Variants in SYT11 observed in about 807,000 individuals in gnomAD.
SYT11 encodes the protein synaptotagmin-11.
SYT11 carries 12 observed loss-of-function variants against 30.4 expected under a neutral mutation model. That is an observed-to-expected ratio of 0.39 (90% CI 0.25 to 0.64). The LOEUF (loss-of-function observed/expected upper bound fraction) is 0.64. Among genes scored for constraint, SYT11 ranks in the 30% least tolerant of loss-of-function variants. The pLI, the probability that SYT11 is intolerant of heterozygous loss-of-function variation, is 0.45. For missense variants in SYT11, 412 were observed against 552.0 expected (o/e 0.75, Z 2.54); for synonymous variants, 204 against 216.0 (o/e 0.94, Z 0.49).
rs1672528171 is a variant in SYT11 at position 155,860,090 on chromosome 1, G to A, written c.34+295G>A. Among the ~76,000 whole-genome samples the A allele has an allele frequency of 6.6e-6, 1 of 152,272 alleles. No homozygotes were observed. The highest frequency in any genetic ancestry group is 2.4e-5 in the African/African-American group (1 of 41,482). On this transcript the variant is annotated intron_variant, in intron 1 of 3. Coordinates refer to ENST00000368324, the MANE Select transcript of SYT11 (RefSeq NM_152280.5). This position sits in a 1 kb window ranked among gnomAD's most constrained non-coding sequence, Gnocchi z 4.1. ...CTGCTGGAGGTGAGAAACAGCAAGC[G>A]TGCGGAGGATGTGAACCCCTCCTTC...
chr1:155,870,573 T>G (rs1385731926), intron 2 of SYT11, among the ~76,000 whole-genome samples: 1 of 152,230 alleles, frequency 6.6e-6, no homozygotes, highest in African/African-American at 2.4e-5. Context: ...CAGATCATAC[T>G]TATTTCTTGA....
At chr1:155,866,013 T>C (rs1006186557) in intron 1 of SYT11, among the ~76,000 whole-genome samples, 3 of 151,788 alleles carry the variant, frequency 2.0e-5, no homozygotes, top group African/African-American at 7.3e-5. Context: ...CTCAATGAAC[T>C]TGAGGGAGCG....
chr1:155,881,619 T>G lies in SYT11; in HGVS notation c.*111T>G. 9.3e-7 allele frequency: 1 copy of G among 1,073,504 alleles called. No individual in the cohort carries two copies. Among genetic ancestry groups the G allele is most frequent in the South Asian group, 1.7e-5 (1 of 58,846 alleles). The allele number at this position is 1,073,504 out of a possible 1,614,324, so 66.5% of individuals were successfully genotyped here. ...ACCTCATTTTAGTTGTAGAAGAAAA[T>G]TTCTTACAAAACAAATTCCACAAAG... On this transcript the variant is annotated 3_prime_UTR_variant, in exon 4 of 4. Transcript: ENST00000368324.
intron 1 of SYT11, among the ~76,000 whole-genome samples, chr1:155,864,506 TG>T (rs1345511522): frequency 6.6e-6 from 1 of 152,044 alleles, no homozygotes; most frequent in Non-Finnish European, 1.5e-5. Context: ...AGCCATGGAT[TG>T]GTTGGAGAGG....
chr1:155,883,881 A>G lies in SYT11; in HGVS notation c.*2373A>G, dbSNP rs1673021664. The G allele has an allele frequency of 6.6e-6, 1 of 152,270 alleles. No homozygotes were observed. Among genetic ancestry groups the G allele is most frequent in the Admixed American group, 6.6e-5 (1 of 15,242 alleles). 9.4% of individuals were successfully genotyped at this position (152,270 alleles called of 1,614,324 possible). A position where few individuals can be genotyped will look rare whatever the true frequency, so the allele number is the denominator to read the frequency against. On this transcript the variant is annotated 3_prime_UTR_variant, in exon 4 of 4. Coordinates refer to ENST00000368324, the MANE Select transcript of SYT11 (RefSeq NM_152280.5). ...GCAGAGCAATTCTGAGCAGTCACAA[A>G]GCCTACTCTCTGTTCTTGTCCCTGC...
intron 1 of SYT11, among the ~76,000 whole-genome samples, chr1:155,865,576 C>T (rs1367356022): frequency 2.7e-5 from 4 of 150,716 alleles, no homozygotes; most frequent in Admixed American, 2.6e-4. Context: ...TGCGGTGAGC[C>T]GTGATCGTGC....
Position 155,859,665 on chromosome 1 carries a change from C to A in SYT11, c.-97C>A. On this transcript the variant is annotated 5_prime_UTR_variant, in exon 1 of 4. Transcript: ENST00000368324. The stretch of plus-strand genomic sequence containing the variant: ...GCTGGATACCTTCCCCCTTCCCTGA[C>A]CTAGAGCTCTACAGCTGCTGCCTCG... 2 of 1,221,792 alleles carry A rather than the reference C, an allele frequency of 1.6e-6. No individual in the cohort carries two copies. The highest frequency in any genetic ancestry group is 2.4e-6 in the Non-Finnish European group (2 of 823,752). 75.7% of individuals were successfully genotyped at this position (1,221,792 alleles called of 1,614,324 possible). A position where few individuals can be genotyped will look rare whatever the true frequency, so the allele number is the denominator to read the frequency against.
intron 2 of SYT11, among the ~76,000 whole-genome samples, chr1:155,876,476 G>A (rs1672863006): frequency 6.6e-6 from 1 of 151,636 alleles, no homozygotes; most frequent in Non-Finnish European, 1.5e-5. Context: ...CCGATCTCCT[G>A]ACCTCGTGAT....
chr1:155,880,696 C>A (rs1170081946), intron 3 of SYT11, 73 bp downstream of exon 3: 5 of 1,562,396 alleles, frequency 3.2e-6, no homozygotes, highest in Non-Finnish European at 3.5e-6. Context: ...CCAGATAGAC[C>A]TCCACACTTC....
intron 1 of SYT11, among the ~76,000 whole-genome samples, chr1:155,865,040 T>G (rs1372338468): frequency 1.3e-5 from 2 of 152,172 alleles, no homozygotes; most frequent in East Asian, 3.9e-4. Context: ...CTGTGGAGGC[T>G]GTTTTGAATT....
At chr1:155,870,703 G>A (rs961745882) in intron 2 of SYT11, among the ~76,000 whole-genome samples, 1 of 152,210 alleles carries the variant, frequency 6.6e-6, no homozygotes, top group Admixed American at 6.5e-5. Context: ...CAGGAACAAG[G>A]TTTGCCTGCT....
In SYT11 at chr1:155,881,458, G is replaced by C; in HGVS notation, c.1246G>C (p.Glu416Gln). 6.2e-7 allele frequency: 1 copy of C among 1,613,124 alleles called. No homozygotes were observed. Among genetic ancestry groups the C allele is most frequent in the Non-Finnish European group, 8.5e-7 (1 of 1,179,238 alleles). ...SGAEHWREVC[E>Q]SPRKPVAKWH... The stretch of plus-strand genomic sequence containing the variant: ...TGCTGAACACTGGAGAGAGGTCTGC[G>C]AGAGCCCCCGCAAGCCTGTGGCCAA... The change falls in exon 4 of 4, where the codon GAG (glutamate) becomes CAG (glutamine). Residue 416 changes from glutamate to glutamine, a missense_variant. Physicochemically the swap from Glu to Gln is conservative, Grantham distance 29 (BLOSUM62 2). Coordinates refer to ENST00000368324, the MANE Select transcript of SYT11 (RefSeq NM_152280.5).
In SYT11 at chr1:155,868,596, G is replaced by A. The variant is rs1215423875; in HGVS notation, c.666G>A (p.Val222=). 4.3e-6 allele frequency: 7 copies of A among 1,614,036 alleles called. No individual in the cohort carries two copies. In the Admixed American group the frequency reaches 1.2e-4, roughly 27 times the overall value. ...TRVLRKTLDP[V]FDETFTFYGI... is the part of the protein sequence containing the mutation. Reference sequence around the variant, plus strand: ...TGCTGCGGAAGACCCTGGACCCTGTGTTTGACGAGACCTTCACCTTCTATG... The same window carrying A: ...TGCTGCGGAAGACCCTGGACCCTGTATTTGACGAGACCTTCACCTTCTATG... Residue 222 remains valine (V), a synonymous_variant, in exon 2 of 4, where the codon GTG becomes GTA. Coordinates refer to ENST00000368324, the MANE Select transcript of SYT11 (RefSeq NM_152280.5). The surrounding 1 kb of genome is among the most constrained non-coding windows in gnomAD (Gnocchi z 4.7).
chr1:155,881,467 C>G lies in SYT11; in HGVS notation c.1255C>G (p.Arg419Gly), dbSNP rs140896977. Reference sequence around the variant, plus strand: ...CTGGAGAGAGGTCTGCGAGAGCCCCCGCAAGCCTGTGGCCAAGTGGCACAG... The same window carrying G: ...CTGGAGAGAGGTCTGCGAGAGCCCCGGCAAGCCTGTGGCCAAGTGGCACAG... The part of the protein sequence containing the change: ...EHWREVCESP[R>G]KPVAKWHSLS... Residue 419 changes from arginine (R) to glycine (G), a missense_variant, in exon 4 of 4, where the codon CGC becomes GGC. Physicochemically the swap from Arg to Gly is moderately radical, Grantham distance 125. Transcript: ENST00000368324. 3 of 1,611,584 alleles carry G rather than the reference C, an allele frequency of 1.9e-6. No individual in the cohort carries two copies. The highest frequency in any genetic ancestry group is 2.5e-6 in the Non-Finnish European group (3 of 1,178,072).
intron 2 of SYT11, among the ~76,000 whole-genome samples, chr1:155,874,894 AAATAAAAATAAAAAT>A (rs1672836996): frequency 6.7e-6 from 1 of 149,040 alleles, no homozygotes. Context: ...CGTCTCAAAA[AAATAAAAATAAAAAT>A]AATAAAAATA....
At chr1:155,869,954 C>T (rs1277844785) in intron 2 of SYT11, among the ~76,000 whole-genome samples, 2 of 152,196 alleles carry the variant, frequency 1.3e-5, no homozygotes, top group Non-Finnish European at 2.9e-5. Context: ...GTTACTCGAC[C>T]CCTCTAAGCC....
At chr1:155,880,739 C>T in intron 3 of SYT11, 116 bp downstream of exon 3, 2 of 1,238,510 alleles carry the variant, frequency 1.6e-6, no homozygotes, top group Non-Finnish European at 1.1e-6. Flanking sequence ...TTAATCTGCT[C>T]CTCTTTCTGT....
chr1:155,881,656 T>C lies in SYT11; in HGVS notation c.*148T>C, dbSNP rs1672964899. 1 of 655,360 alleles carries C rather than the reference T, an allele frequency of 1.5e-6. No homozygotes were observed. The highest frequency in any genetic ancestry group is 3.1e-5 in the Admixed American group (1 of 32,568). The allele number at this position is 655,360 out of a possible 1,614,324, so 40.6% of individuals were successfully genotyped here. On this transcript the variant is annotated 3_prime_UTR_variant, in exon 4 of 4. Transcript: ENST00000368324. ...CAAATTCCACAAAGAACACCCTATATGACCACAGCTGCAGATCAGTTCTTA... is the reference window on the plus strand; with the variant it reads ...CAAATTCCACAAAGAACACCCTATACGACCACAGCTGCAGATCAGTTCTTA...
At chr1:155,877,730 AT>A (rs747601521) in intron 2 of SYT11, among the ~76,000 whole-genome samples, 1 of 150,606 alleles carries the variant, frequency 6.6e-6, no homozygotes, top group East Asian at 2.0e-4. Context: ...ATTTTTTTGT[AT>A]TTTTTTAGTA....
Sources: allele counts gnomAD v4.1 joint callset (sites outside exome capture counted in the v4.1 genomes callset), GRCh38; gene constraint gnomAD v4.1.1; non-coding constraint Gnocchi (gnomAD v3.1); transcripts MANE v1.5; gene names NCBI Gene and HGNC (gene_info 2026-07-23, HGNC 2026-07-21).